Variants in CEP152 observed in about 807,000 individuals in gnomAD.
CEP152 encodes centrosomal protein of 152 kDa.
CEP152 carries 132 observed loss-of-function variants against 188.9 expected under a neutral mutation model. That is an observed-to-expected ratio of 0.70 (90% CI 0.61 to 0.81). The LOEUF (loss-of-function observed/expected upper bound fraction) is 0.81. CEP152 is among the 30% of genes least tolerant of loss of function. The pLI is 0.00. For synonymous variants in CEP152, 649 were observed against 666.6 expected (o/e 0.97, Z 0.41); for missense variants, 1,914 against 1,969.8 (o/e 0.97, Z 0.54).
At chr15:48,791,787 G>C (rs1897002115) in intron 7 of CEP152, among the ~76,000 whole-genome samples, 1 of 151,486 alleles carries the variant, frequency 6.6e-6, no homozygotes, top group East Asian at 1.9e-4. Context: ...AAAGTGCTGG[G>C]ATTACAGGCG....
At chr15:48,752,009 G>C (rs1260916498) in intron 21 of CEP152, among the ~76,000 whole-genome samples, 1 of 152,112 alleles carries the variant, frequency 6.6e-6, no homozygotes, top group Non-Finnish European at 1.5e-5. Context: ...ATTGAAATTA[G>C]TTTCAGTAAT....
chr15:48,758,420 T>C (rs1404039578), intron 19 of CEP152, among the ~76,000 whole-genome samples: 8 of 152,058 alleles, frequency 5.3e-5, no homozygotes, highest in Admixed American at 5.2e-4. Context: ...GGGAGCCTGT[T>C]AGAAATGCAA....
intron 24 of CEP152, among the ~76,000 whole-genome samples, chr15:48,743,531 C>A (rs965504297): frequency 6.6e-6 from 1 of 152,092 alleles, no homozygotes; most frequent in Non-Finnish European, 1.5e-5. Flanking sequence ...AACAACAGAA[C>A]AATTGCTAAC....
intron 19 of CEP152, among the ~76,000 whole-genome samples, chr15:48,758,766 TA>T (rs1894464232): frequency 7.0e-6 from 1 of 143,078 alleles, no homozygotes; most frequent in South Asian, 2.2e-4. Flanking sequence ...CCTCCAGACC[TA>T]CTATATCATT....
chr15:48,729,395 A>T (rs1005859499), intron 2 of CEP152: 1 of 152,112 alleles, frequency 6.6e-6, no homozygotes, highest in African/African-American at 2.4e-5. Flanking sequence ...AAATTAGCCA[A>T]GTGCAGTGCT....
chr15:48,779,540 G>A (rs1896120442), intron 12 of CEP152, among the ~76,000 whole-genome samples: 1 of 152,092 alleles, frequency 6.6e-6, no homozygotes, highest in South Asian at 2.1e-4. Context: ...CCTAATATAT[G>A]TTAGAACGTG....
Position 48,739,256 on chromosome 15 carries a change from CT to C in CEP152, c.4125del (p.Val1376LeufsTer9), listed in dbSNP as rs1566972033. ...ACATCATTTCTTTTTGATTTTTTAA[CT>C]GCAATCAGCATCTCTGAAGTTAGGG... Reference protein sequence around the residue: ...ALPLTSEMLIAVKKSKRNDVN... With the variant: ...ALPLTSEMLIXVKKSKRNDVN... On this transcript the variant is annotated frameshift_variant, in exon 27 of 27. Coordinates refer to ENST00000380950, the MANE Select transcript of CEP152 (RefSeq NM_001194998.2). LOFTEE classifies it low-confidence loss of function (END_TRUNC). 6.2e-7 allele frequency: 1 copy of C among 1,613,074 alleles called. No homozygotes were observed. Among genetic ancestry groups the C allele is most frequent in the Non-Finnish European group, 8.5e-7 (1 of 1,179,796 alleles).
rs797001864 is a variant in CEP152 at position 48,781,435 on chromosome 15, T to C, written c.1414-76A>G. ...TAATCAGTCATTCTGTTTCAAAATT[T>C]GTTTTAATGATCAACAGGAGGCAAA... On this transcript the variant is annotated intron_variant, in intron 11 of 26. Transcript: ENST00000380950. 1.8e-5 allele frequency: 23 copies of C among 1,272,860 alleles called. No homozygotes were observed. The African/African-American group carries it at 3.3e-4, about 18-fold the overall frequency. 78.8% of individuals were successfully genotyped at this position (1,272,860 alleles called of 1,614,324 possible).
At chr15:48,778,296 C>T (rs1427251672) in intron 12 of CEP152, among the ~76,000 whole-genome samples, 1 of 152,176 alleles carries the variant, frequency 6.6e-6, no homozygotes, top group Non-Finnish European at 1.5e-5. Flanking sequence ...CAACAAAGAA[C>T]TAAAATTCCC....
chr15:48,748,598 A>G lies in CEP152; in HGVS notation c.3479T>C (p.Val1160Ala). 1 of 1,486,820 alleles carries G rather than the reference A, an allele frequency of 6.7e-7. No individual in the cohort carries two copies. The highest frequency in any genetic ancestry group is 8.9e-7 in the Non-Finnish European group (1 of 1,124,792). 92.1% of individuals were successfully genotyped at this position (1,486,820 alleles called of 1,614,324 possible). A position where few individuals can be genotyped will look rare whatever the true frequency, so the allele number is the denominator to read the frequency against. The change falls in exon 22 of 27, where the codon GTC becomes GCC. Residue 1160 changes from valine (V) to alanine (A), a missense_variant. By Grantham distance (64) the Val-to-Ala change is moderately conservative. Transcript: ENST00000380950. Reference sequence around the variant, plus strand: ...ACAGCATAAATCCTTAATTTCAAGGACCTTTTTCTTATCTGCAAAAATTAA... The same window carrying G: ...ACAGCATAAATCCTTAATTTCAAGGGCCTTTTTCTTATCTGCAAAAATTAA... The part of the protein sequence containing the change: ...ATEAEADKKK[V>A]LEIKDLCCGH...
At position 48,768,936 on chromosome 15, in the gene CEP152, T is replaced by A. The variant is rs945438483; in HGVS notation, c.1908+20A>T. The A allele has an allele frequency of 7.0e-7, 1 of 1,430,396 alleles. No individual in the cohort carries two copies. The highest frequency in any genetic ancestry group is 1.4e-5 in the African/African-American group (1 of 69,830). 88.6% of individuals were successfully genotyped at this position (1,430,396 alleles called of 1,614,324 possible). A position where few individuals can be genotyped will look rare whatever the true frequency, so the allele number is the denominator to read the frequency against. On this transcript the variant is annotated intron_variant, in intron 14 of 26. Coordinates refer to ENST00000380950, the MANE Select transcript of CEP152 (RefSeq NM_001194998.2). ...AGGAAATAAAAATTCTCATAAAATA[T>A]AAAAAATATTTTTAATCACCTGATT...
In CEP152 at chr15:48,791,305, T is replaced by A. The variant is rs569359029; in HGVS notation, c.904A>T (p.Ile302Leu). 2.0e-5 allele frequency: 33 copies of A among 1,612,974 alleles called. No individual in the cohort carries two copies. In the South Asian group the frequency reaches 3.2e-4, roughly 16 times the overall value. ...GCTTTTATTTGAGCTTCAAGCTGTA[T>A]CTCTCTTTCTTTTCCATTCTGAAAG... ...KLFQNGKEREIQLEAQIKALE... is the reference protein window; with the variant it reads ...KLFQNGKERELQLEAQIKALE... Residue 302 changes from isoleucine (I) to leucine (L), a missense_variant, in exon 8 of 27, where the codon ATA (isoleucine) becomes TTA (leucine). Transcript: ENST00000380950.
intron 2 of CEP152, among the ~76,000 whole-genome samples, chr15:48,730,659 GTTT>G (rs1402779827): frequency 6.6e-6 from 1 of 152,108 alleles, no homozygotes; most frequent in African/African-American, 2.4e-5. Context: ...CTGACTCAAG[GTTT>G]TTCAATACAG....
intron 15 of CEP152, 71 bp from the exon 16 acceptor site, chr15:48,767,534 C>G (rs1488598318): frequency 1.9e-6 from 3 of 1,602,362 alleles, no homozygotes; most frequent in Non-Finnish European, 2.6e-6. Context: ...GGTTTCCTTC[C>G]TTCCTCCTCA....
downstream of CEP152, among the ~76,000 whole-genome samples, chr15:48,733,096 T>C (rs1870537814): frequency 6.6e-6 from 1 of 152,082 alleles, no homozygotes; most frequent in Non-Finnish European, 1.5e-5. Context: ...AATATATACA[T>C]ACATATATAT....
chr15:48,795,586 G>A (rs560659761), intron 6 of CEP152, among the ~76,000 whole-genome samples: 1 of 152,188 alleles, frequency 6.6e-6, no homozygotes, highest in African/African-American at 2.4e-5. Context: ...ATACAAATAA[G>A]GAGAAAAGGC....
chr15:48,759,104 G>C (rs920786308), intron 19 of CEP152, among the ~76,000 whole-genome samples: 1 of 151,906 alleles, frequency 6.6e-6, no homozygotes, highest in African/African-American at 2.4e-5. Context: ...AATTTATCAT[G>C]TGTTATCCAT....
downstream of CEP152, among the ~76,000 whole-genome samples, chr15:48,735,343 G>T (rs1892558939): frequency 6.6e-6 from 1 of 152,138 alleles, no homozygotes; most frequent in Non-Finnish European, 1.5e-5. Context: ...AAACATATGA[G>T]GTGCAACTTA....
In CEP152 at chr15:48,793,458, G is replaced by A. The variant is rs1197331523; in HGVS notation, c.695C>T (p.Ser232Phe). 1 of 1,612,824 alleles carries A rather than the reference G, an allele frequency of 6.2e-7. No homozygotes were observed. The highest frequency in any genetic ancestry group is 8.5e-7 in the Non-Finnish European group (1 of 1,179,352). Residue 232 changes from serine (S) to phenylalanine (F), a missense_variant, in exon 7 of 27, where the codon TCT becomes TTT. Physicochemically the swap from Ser to Phe is radical, Grantham distance 155. Transcript: ENST00000380950. ...TTGAATAATCTGCATATTTTCTGCA[G>A]AGTCTGGGAATTAAAGACAATTTAT... is the stretch of plus-strand genomic sequence containing the variant. The part of the protein sequence containing the change: ...QQQFLGANEN[S>F]AENMQIIQLQ...
Sources: allele counts gnomAD v4.1 joint callset (sites outside exome capture counted in the v4.1 genomes callset), GRCh38; gene constraint gnomAD v4.1.1; transcripts MANE v1.5; gene names NCBI Gene and HGNC (gene_info 2026-07-23, HGNC 2026-07-21).